The following KDM4C variants were observed in gnomAD, a reference collection of about 807,000 sequenced individuals.
KDM4C encodes the protein lysine-specific demethylase 4C.
KDM4C carries 81 observed loss-of-function variants against 129.3 expected under a neutral mutation model. The observed-to-expected ratio is 0.63, with a 90% confidence interval of 0.52 to 0.75. KDM4C has a LOEUF of 0.75. Ranked by LOEUF, KDM4C falls within the 30% of genes least tolerant of loss-of-function variation. KDM4C has a pLI of 0.00. For missense variants in KDM4C, 1,457 were observed against 1,304.0 expected, an observed-to-expected ratio of 1.12 and a Z score of -1.81; for synonymous variants, 573 against 456.1, an observed-to-expected ratio of 1.26 and a Z score of -3.26.
At chr9:7,049,387 G>A (rs538129999) in intron 17 of KDM4C, among the ~76,000 whole-genome samples, 187 bp downstream of exon 17, 3 of 151,740 alleles carry the variant, frequency 2.0e-5, no homozygotes, top group Admixed American at 2.0e-4. Context: ...TTGTAAGTTT[G>A]CATATAACCT....
chr9:7,054,962 C>T (rs1445310575), intron 17 of KDM4C, among the ~76,000 whole-genome samples: 1 of 152,054 alleles, frequency 6.6e-6, no homozygotes, highest in Non-Finnish European at 1.5e-5. Flanking sequence ...CATTGCATAA[C>T]AAACTTAGCA....
intron 2 of KDM4C, among the ~76,000 whole-genome samples, chr9:6,803,179 G>C (rs1415354981): frequency 6.6e-6 from 1 of 152,192 alleles, no homozygotes; most frequent in Non-Finnish European, 1.5e-5. Flanking sequence ...CACCTGGGCA[G>C]TAGGTCATTT....
intron 18 of KDM4C, among the ~76,000 whole-genome samples, chr9:7,112,181 T>G (rs1013725430): frequency 6.6e-6 from 1 of 152,178 alleles, no homozygotes; most frequent in Non-Finnish European, 1.5e-5. Context: ...GGCATTACTC[T>G]TGCGACTTTC....
intron 8 of KDM4C, chr9:6,925,644 G>A (rs1589136786): frequency 2.2e-5 from 22 of 985,096 alleles, no homozygotes; most frequent in Non-Finnish European, 2.5e-5. Flanking sequence ...GCCCTTCACC[G>A]TTTCAGAAAG....
intron 15 of KDM4C, among the ~76,000 whole-genome samples, chr9:7,031,688 A>ATGTG (rs150564790): frequency 2.0e-5 from 3 of 151,206 alleles, no homozygotes; most frequent in East Asian, 1.9e-4. Context: ...GTGTGTGTGT[A>ATGTG]TGTGTGTGTG....
intron 8 of KDM4C, among the ~76,000 whole-genome samples, chr9:6,958,546 C>T (rs546980688): frequency 4.0e-5 from 6 of 151,634 alleles, no homozygotes; most frequent in African/African-American, 1.5e-4. Flanking sequence ...GAGATCGCGC[C>T]ATTGCATTCC....
intron 1 of KDM4C, among the ~76,000 whole-genome samples, chr9:6,747,911 C>T (rs1817934204): frequency 6.6e-6 from 1 of 152,212 alleles, no homozygotes; most frequent in Non-Finnish European, 1.5e-5. Flanking sequence ...GGCGCTGTGG[C>T]TCACACCTGT....
intron 1 of KDM4C, 30 bp from the exon 2 acceptor site, chr9:6,792,942 G>C (rs1415182037): frequency 1.2e-6 from 2 of 1,610,126 alleles, no homozygotes; most frequent in South Asian, 1.1e-5. Flanking sequence ...TAATAATTCA[G>C]TTCTGTTGAC....
intron 3 of KDM4C, among the ~76,000 whole-genome samples, chr9:6,812,129 C>T (rs1166890466): frequency 3.3e-5 from 5 of 151,586 alleles, no homozygotes; most frequent in South Asian, 2.1e-4. Context: ...TCCAGCTACT[C>T]GGGAGGCTGA....
At chr9:6,799,748 G>A (rs7048537) in intron 2 of KDM4C, among the ~76,000 whole-genome samples, 19,900 of 148,992 alleles carry the variant, frequency 0.13, 1,670 homozygotes, top group African/African-American at 0.23. Context: ...GAATAAATCT[G>A]TGTTCCATTT....
chr9:7,080,169 C>T lies in KDM4C; in HGVS notation c.2425-23516C>T, dbSNP rs529218670. On this transcript the variant is annotated intron_variant, in intron 17 of 21. Coordinates refer to ENST00000381309, the MANE Select transcript of KDM4C (RefSeq NM_015061.6). ...AGTCCACATAACCCAGCCTCCCTTA[C>T]TGGTAGGAGCACAGCCACAGGTATT... 2.6e-5 allele frequency among the ~76,000 whole-genome samples: 4 copies of T among 152,178 alleles called. No individual in the cohort carries two copies. The South Asian group carries it at 8.3e-4, about 32-fold the overall frequency.
At chr9:7,131,088 A>C (rs1840585829) in intron 19 of KDM4C, among the ~76,000 whole-genome samples, 1 of 151,844 alleles carries the variant, frequency 6.6e-6, no homozygotes, top group Non-Finnish European at 1.5e-5. Context: ...CTTCAGGAAA[A>C]AAACAAAACA....
intron 15 of KDM4C, among the ~76,000 whole-genome samples, chr9:7,018,066 A>T (rs1271544259): frequency 6.6e-6 from 1 of 152,212 alleles, no homozygotes; most frequent in African/African-American, 2.4e-5. Context: ...TGCATTACTT[A>T]ATGACAGGGA....
intron 1 of KDM4C, among the ~76,000 whole-genome samples, chr9:6,781,677 A>G (rs1306089010): frequency 6.6e-6 from 1 of 152,206 alleles, no homozygotes; most frequent in Non-Finnish European, 1.5e-5. Flanking sequence ...TGTTTGCATT[A>G]TGAGAGCTGA....
chr9:6,740,890 G>A (rs1235463842), intron 1 of KDM4C, among the ~76,000 whole-genome samples: 1 of 151,718 alleles, frequency 6.6e-6, no homozygotes, highest in African/African-American at 2.4e-5. Flanking sequence ...TGCAGTGGGA[G>A]GATCTCGGCT....
chr9:7,172,867 G>A (rs1216981578), intron 21 of KDM4C, among the ~76,000 whole-genome samples: 1 of 152,236 alleles, frequency 6.6e-6, no homozygotes, highest in Non-Finnish European at 1.5e-5. Flanking sequence ...TGTGCTGTGT[G>A]TTGATGTCAT....
At chr9:6,832,768 C>T (rs562723152) in intron 4 of KDM4C, among the ~76,000 whole-genome samples, 35 of 141,866 alleles carry the variant, frequency 2.5e-4, no homozygotes, top group African/African-American at 9.2e-4. Flanking sequence ...GCTCTTGTTG[C>T]CCAAGCTAGA....
intron 1 of KDM4C, among the ~76,000 whole-genome samples, chr9:6,746,267 T>A (rs1321438087): frequency 7.5e-6 from 1 of 132,722 alleles, no homozygotes; most frequent in African/African-American, 2.9e-5. Flanking sequence ...TATATGTTTT[T>A]TTTTTTTTTT....
chr9:7,125,944 G>T (rs1839984774), intron 18 of KDM4C, among the ~76,000 whole-genome samples: 1 of 152,202 alleles, frequency 6.6e-6, no homozygotes, highest in South Asian at 2.1e-4. Context: ...GATGTTGGCT[G>T]CAGTCTCTTC....
Sources: gnomAD v4.1 joint callset for allele counts (sites outside exome capture counted in the v4.1 genomes callset) on GRCh38, gnomAD v4.1.1 for gene constraint, MANE v1.5 for transcripts, NCBI Gene and HGNC (gene_info 2026-07-23, HGNC 2026-07-21) for gene names.